Variants in LRP1B observed in about 807,000 individuals in gnomAD.
The protein encoded by LRP1B is LDL receptor related protein 1B.
A neutral mutation model predicts 556.6 loss-of-function variants in LRP1B; 217 were observed. The observed-to-expected ratio is 0.39, with a 90% CI of 0.35 to 0.44. LRP1B has a LOEUF of 0.44. Among genes scored for constraint, LRP1B ranks in the 20% least tolerant of loss-of-function variants. LRP1B has a pLI of 1.00. For missense variants in LRP1B, 5,053 were observed against 5,620.8 expected (o/e 0.90, Z 3.23); for synonymous variants, 2,047 against 1,865.8 (o/e 1.10, Z -2.50).
chr2:141,843,725 A>G (rs910333964), intron 1 of LRP1B, among the ~76,000 whole-genome samples: 1 of 152,178 alleles, frequency 6.6e-6, no homozygotes, highest in Non-Finnish European at 1.5e-5. Context: ...ATAACAGTTT[A>G]ACAAGACGGC....
intron 6 of LRP1B, among the ~76,000 whole-genome samples, chr2:141,193,350 A>G (rs964579546): frequency 6.6e-6 from 1 of 152,038 alleles, no homozygotes; most frequent in Non-Finnish European, 1.5e-5. Context: ...CTAAATGCTC[A>G]TCGTGACTGA....
chr2:141,766,219 GA>G (rs879876148), intron 2 of LRP1B, among the ~76,000 whole-genome samples: 1 of 152,136 alleles, frequency 6.6e-6, no homozygotes, highest in Non-Finnish European at 1.5e-5. Flanking sequence ...ACTACTTGAA[GA>G]TAAGAAAAAT....
intron 7 of LRP1B, among the ~76,000 whole-genome samples, chr2:141,140,024 A>G (rs1385186189): frequency 1.3e-5 from 2 of 152,096 alleles, no homozygotes; most frequent in African/African-American, 4.8e-5. Context: ...AAAAGAGATT[A>G]ATTATTGATA....
chr2:141,057,794 C>G (rs1048047881), intron 9 of LRP1B, among the ~76,000 whole-genome samples: 4 of 151,688 alleles, frequency 2.6e-5, no homozygotes, highest in African/African-American at 9.7e-5. Flanking sequence ...GTGTGAAAAC[C>G]GATTAATACA....
chr2:141,324,494 T>C (rs988640117), intron 3 of LRP1B, among the ~76,000 whole-genome samples: 2 of 152,156 alleles, frequency 1.3e-5, no homozygotes, highest in East Asian at 3.9e-4. Context: ...ATTCAATTTT[T>C]AAATATCAGT....
chr2:140,267,172 G>A (rs1682243281), intron 86 of LRP1B, among the ~76,000 whole-genome samples: 1 of 152,038 alleles, frequency 6.6e-6, no homozygotes, highest in Non-Finnish European at 1.5e-5. Context: ...TATTAGGTCA[G>A]TTTTAGCTGC....
chr2:141,706,716 T>C (rs889632392), intron 2 of LRP1B, among the ~76,000 whole-genome samples: 8 of 152,152 alleles, frequency 5.3e-5, no homozygotes, highest in African/African-American at 1.9e-4. Context: ...TATTCTCTCT[T>C]AATATCTCGT....
At chr2:141,466,712 A>G (rs1474259746) in intron 3 of LRP1B, among the ~76,000 whole-genome samples, 1 of 152,126 alleles carries the variant, frequency 6.6e-6, no homozygotes, top group Non-Finnish European at 1.5e-5. Flanking sequence ...CTTGAGGATG[A>G]AAGCCAAGTG....
intron 2 of LRP1B, among the ~76,000 whole-genome samples, chr2:141,650,680 C>T (rs1689752314): frequency 6.6e-6 from 1 of 152,072 alleles, no homozygotes; most frequent in Admixed American, 6.6e-5. Context: ...GATGTTAGAA[C>T]ATATTTGAAG....
intron 1 of LRP1B, among the ~76,000 whole-genome samples, chr2:141,906,297 C>T (rs542324247): frequency 5.3e-5 from 8 of 151,884 alleles, no homozygotes; most frequent in East Asian, 1.9e-4. Context: ...GATATAGACA[C>T]GACACAAATT....
chr2:141,386,677 C>T (rs1432295306), intron 3 of LRP1B, among the ~76,000 whole-genome samples: 1 of 151,836 alleles, frequency 6.6e-6, no homozygotes, highest in African/African-American at 2.4e-5. Flanking sequence ...GCACATATAA[C>T]AATTATAAAA....
intron 3 of LRP1B, among the ~76,000 whole-genome samples, chr2:141,318,159 C>T (rs10496877): frequency 0.065 from 9,886 of 152,194 alleles, 412 homozygotes; most frequent in East Asian, 0.15. Context: ...GAAACATTCA[C>T]TTGACAAACA....
At chr2:142,069,837 A>T (rs1462671677) in intron 1 of LRP1B, among the ~76,000 whole-genome samples, 1 of 118,126 alleles carries the variant, frequency 8.5e-6, no homozygotes, top group Non-Finnish European at 2.0e-5. Context: ...GTATTTTTGC[A>T]ATCATGACTA....
At chr2:140,247,025 T>C in intron 87 of LRP1B, 61 bp downstream of exon 87, 1 of 1,189,684 alleles carries the variant, frequency 8.4e-7, no homozygotes, top group Non-Finnish European at 1.2e-6. Context: ...CACTCAATAA[T>C]GACATAACAA....
intron 7 of LRP1B, among the ~76,000 whole-genome samples, chr2:141,072,607 A>C (rs1260606087): frequency 6.6e-6 from 1 of 151,608 alleles, no homozygotes; most frequent in Non-Finnish European, 1.5e-5. Flanking sequence ...AGTCTCAGGT[A>C]CTCCCTCTGC....
intron 1 of LRP1B, among the ~76,000 whole-genome samples, chr2:141,929,110 T>C (rs925634039): frequency 1.3e-5 from 2 of 152,058 alleles, no homozygotes; most frequent in African/African-American, 4.8e-5. Flanking sequence ...AGTTGAAATA[T>C]ATAGTTAGCA....
At chr2:140,483,168 TTATAA>T (rs1688310793) in intron 59 of LRP1B, among the ~76,000 whole-genome samples, 2 of 152,250 alleles carry the variant, frequency 1.3e-5, no homozygotes, top group East Asian at 1.9e-4. Flanking sequence ...TTTTCTTTGG[TTATAA>T]TATGACATAT....
intron 2 of LRP1B, among the ~76,000 whole-genome samples, chr2:141,752,090 A>G (rs551831119): frequency 6.6e-6 from 1 of 152,100 alleles, no homozygotes; most frequent in Admixed American, 6.6e-5. Flanking sequence ...TTTAGCTGGT[A>G]TTTTATATGT....
At chr2:140,841,332 A>G (rs2105099111) in intron 29 of LRP1B, among the ~76,000 whole-genome samples, 1 of 152,274 alleles carries the variant, frequency 6.6e-6, no homozygotes, top group Non-Finnish European at 1.5e-5. Flanking sequence ...AAATTACACT[A>G]ACCGTCAATG....
Sources: gnomAD v4.1 joint callset for allele counts (sites outside exome capture counted in the v4.1 genomes callset) on GRCh38, gnomAD v4.1.1 for gene constraint, MANE v1.5 for transcripts, NCBI Gene and HGNC (gene_info 2026-07-23, HGNC 2026-07-21) for gene names.